CCDC102B: variants seen among roughly 807,000 people sequenced by gnomAD.
CCDC102B encodes coiled-coil domain-containing protein 102B.
Under a neutral mutation model 57.4 loss-of-function variants are expected in CCDC102B, and 75 were observed. The observed-to-expected ratio is 1.31, with a 90% confidence interval of 1.08 to 1.58. The LOEUF is 1.58. Ranked by LOEUF, CCDC102B falls within the 40% of genes most tolerant of loss-of-function variation. CCDC102B has a pLI of 0.00. For missense variants in CCDC102B, 636 were observed against 582.6 expected (o/e 1.09, Z -0.94); for synonymous variants, 206 against 201.9 (o/e 1.02, Z -0.17).
At chr18:69,001,516 C>A (rs2051200876) in intron 6 of CCDC102B, among the ~76,000 whole-genome samples, 1 of 151,284 alleles carries the variant, frequency 6.6e-6, no homozygotes, top group African/African-American at 2.4e-5. Context: ...GAATCAGGGA[C>A]TCTCTGAAAA....
At chr18:68,868,305 G>T (rs1298523863) in intron 4 of CCDC102B, among the ~76,000 whole-genome samples, 1 of 151,704 alleles carries the variant, frequency 6.6e-6, no homozygotes, top group Non-Finnish European at 1.5e-5. Context: ...TCCTTATTTT[G>T]ACTTGAAGAA....
intron 6 of CCDC102B, among the ~76,000 whole-genome samples, chr18:68,912,921 G>A (rs754082009): frequency 4.0e-4 from 61 of 152,260 alleles, no homozygotes; most frequent in Middle Eastern, 3.4e-3. Flanking sequence ...ATTTGGGTTC[G>A]TGTGTACAAT....
At chr18:68,869,695 T>C (rs1271377336) in intron 4 of CCDC102B, among the ~76,000 whole-genome samples, 7 of 152,262 alleles carry the variant, frequency 4.6e-5, no homozygotes, top group Non-Finnish European at 1.5e-5. Context: ...GATGATAGTT[T>C]CTTTTGCTGT....
At chr18:68,735,657 C>T (rs1292381433) in intron 2 of CCDC102B, among the ~76,000 whole-genome samples, 1 of 152,176 alleles carries the variant, frequency 6.6e-6, no homozygotes, top group Admixed American at 6.5e-5. Context: ...ACTCCTCACA[C>T]ACCCGTGACT....
chr18:68,790,677 C>T (rs908044406), intron 2 of CCDC102B, among the ~76,000 whole-genome samples: 1 of 152,198 alleles, frequency 6.6e-6, no homozygotes, highest in Non-Finnish European at 1.5e-5. Context: ...AATGCCTCGC[C>T]CTGCTTCGGC....
chr18:69,053,532 A>G (rs1195968332), intron 7 of CCDC102B, among the ~76,000 whole-genome samples: 1 of 151,846 alleles, frequency 6.6e-6, no homozygotes, highest in Non-Finnish European at 1.5e-5. Flanking sequence ...ATTACTGAAT[A>G]TGTACATTAA....
intron 7 of CCDC102B, among the ~76,000 whole-genome samples, chr18:69,043,374 A>T (rs1180392164): frequency 6.6e-6 from 1 of 151,994 alleles, no homozygotes; most frequent in Non-Finnish European, 1.5e-5. Flanking sequence ...TTCCTCTTAT[A>T]CTAATCCTCC....
intron 6 of CCDC102B, among the ~76,000 whole-genome samples, chr18:68,936,395 T>A (rs2049238704): frequency 6.6e-6 from 1 of 151,992 alleles, no homozygotes; most frequent in Non-Finnish European, 1.5e-5. Flanking sequence ...TTTGTTCACC[T>A]CTCCAGTAGT....
intron 1 of CCDC102B, chr18:68,798,600 C>A (rs1344747125): frequency 6.6e-6 from 1 of 152,016 alleles, no homozygotes; most frequent in African/African-American, 2.4e-5. Context: ...TATGGAAATC[C>A]TCCTATCTAT....
intron 7 of CCDC102B, 44 bp from the exon 8 acceptor site, chr18:69,053,986 A>T: frequency 1.3e-6 from 2 of 1,493,346 alleles, no homozygotes; most frequent in South Asian, 2.4e-5. Context: ...GATGTACTAT[A>T]GAACACTTGA....
chr18:68,982,514 C>CTA (rs1170151865), intron 6 of CCDC102B, among the ~76,000 whole-genome samples: 8 of 151,926 alleles, frequency 5.3e-5, no homozygotes, highest in Non-Finnish European at 1.2e-4. Flanking sequence ...TTCCCCCACT[C>CTA]TATAACAAGG....
chr18:69,052,268 G>A (rs1298425054), intron 7 of CCDC102B, among the ~76,000 whole-genome samples: 2 of 151,904 alleles, frequency 1.3e-5, no homozygotes, highest in Admixed American at 6.6e-5. Context: ...ATTGATCAGG[G>A]ATTGACAAAA....
At chr18:68,770,150 C>T (rs1209103959) in intron 2 of CCDC102B, among the ~76,000 whole-genome samples, 1 of 152,182 alleles carries the variant, frequency 6.6e-6, no homozygotes, top group African/African-American at 2.4e-5. Context: ...CCTCTGCATA[C>T]ACCTTTGAGG....
At chr18:69,042,547 T>G (rs899683180) in intron 7 of CCDC102B, among the ~76,000 whole-genome samples, 4 of 152,092 alleles carry the variant, frequency 2.6e-5, no homozygotes, top group African/African-American at 9.7e-5. Context: ...CGTGGTGATC[T>G]TTAAAAAGAA....
At chr18:68,864,744 T>G (rs1348459293) in intron 4 of CCDC102B, among the ~76,000 whole-genome samples, 1 of 152,066 alleles carries the variant, frequency 6.6e-6, no homozygotes, top group African/African-American at 2.4e-5. Context: ...CATTATTACA[T>G]GAATTAATTT....
rs1274499083 is a variant in CCDC102B at position 68,961,682 on chromosome 18, T to C, written c.1264-49252T>C. Reference sequence around the variant, plus strand: ...AATAACAAAGCTTTGAAATTTATCTTATACTTCCTAATTCTGCAAATTATG... The same window carrying C: ...AATAACAAAGCTTTGAAATTTATCTCATACTTCCTAATTCTGCAAATTATG... On this transcript the variant is annotated intron_variant, in intron 6 of 7. Coordinates refer to ENST00000360242, the MANE Select transcript of CCDC102B (RefSeq NM_024781.3). Among the ~76,000 whole-genome samples the C allele has an allele frequency of 2.6e-5, 4 of 152,054 alleles. No homozygotes were observed. The East Asian group carries it at 7.7e-4, about 29-fold the overall frequency.
intron 6 of CCDC102B, among the ~76,000 whole-genome samples, chr18:68,994,632 T>C (rs2050970047): frequency 6.6e-6 from 1 of 152,156 alleles, no homozygotes; most frequent in Non-Finnish European, 1.5e-5. Context: ...GATGGTTTTA[T>C]AAAGGGTTCT....
intron 5 of CCDC102B, among the ~76,000 whole-genome samples, chr18:68,896,087 A>C (rs530825954): frequency 6.6e-6 from 1 of 152,126 alleles, no homozygotes; most frequent in African/African-American, 2.4e-5. Context: ...TTACCTGACT[A>C]AGCTTATCCA....
chr18:68,894,679 C>T (rs1385694291), intron 5 of CCDC102B, among the ~76,000 whole-genome samples: 1 of 151,624 alleles, frequency 6.6e-6, no homozygotes, highest in African/African-American at 2.4e-5. Context: ...ACTAAAACTT[C>T]TTATAATTTT....
Sources: gnomAD v4.1 joint callset for allele counts (sites outside exome capture counted in the v4.1 genomes callset) on GRCh38, gnomAD v4.1.1 for gene constraint, MANE v1.5 for transcripts, NCBI Gene and HGNC (gene_info 2026-07-23, HGNC 2026-07-21) for gene names.